Variants in ZCCHC24 observed in about 807,000 individuals in gnomAD.
The protein encoded by ZCCHC24 is zinc finger CCHC domain-containing protein 24.
Under a neutral mutation model 26.2 loss-of-function variants are expected in ZCCHC24, and 10 were observed. The ratio of observed to expected loss-of-function variants is 0.38; its 90% confidence interval spans 0.24 to 0.65. ZCCHC24 has a LOEUF of 0.65. Among genes scored for constraint, ZCCHC24 ranks in the 30% least tolerant of loss-of-function variants. The pLI is 0.54. For synonymous variants in ZCCHC24, 144 were observed against 147.1 expected, an observed-to-expected ratio of 0.98 and a Z score of 0.15; for missense variants, 243 against 329.1, an observed-to-expected ratio of 0.74 and a Z score of 2.03.
chr10:79,435,023 A>ACACC (rs1857196528), intron 1 of ZCCHC24, among the ~76,000 whole-genome samples: 1 of 151,896 alleles, frequency 6.6e-6, no homozygotes, highest in Non-Finnish European at 1.5e-5. Flanking sequence ...TCTTGACTCG[A>ACACC]AGACTTTCCC....
At chr10:79,440,643 C>A (rs1857281323) in intron 1 of ZCCHC24, among the ~76,000 whole-genome samples, 2 of 152,148 alleles carry the variant, frequency 1.3e-5, no homozygotes, top group African/African-American at 4.8e-5. Context: ...AGGTGACTTG[C>A]CAGGCCTCTG....
chr10:79,398,043 G>A (rs957094916), intron 2 of ZCCHC24, among the ~76,000 whole-genome samples: 15 of 152,220 alleles, frequency 9.9e-5, no homozygotes, highest in African/African-American at 3.1e-4. Flanking sequence ...AAAAGCAGCC[G>A]TCTGGAGCCG....
chr10:79,421,973 G>C (rs951436326), intron 2 of ZCCHC24, among the ~76,000 whole-genome samples: 18 of 152,062 alleles, frequency 1.2e-4, no homozygotes, highest in African/African-American at 3.4e-4. Context: ...CCCCAGTGTT[G>C]TGAGAAAACC....
chr10:79,386,571 G>C (rs1417799619), intron 3 of ZCCHC24, 113 bp from the exon 4 acceptor site: 1 of 758,162 alleles, frequency 1.3e-6, no homozygotes, highest in African/African-American at 1.8e-5. Context: ...GGTACACAGG[G>C]AGGGGACCAG....
At chr10:79,440,330 T>C (rs1857275571) in intron 1 of ZCCHC24, among the ~76,000 whole-genome samples, 1 of 152,226 alleles carries the variant, frequency 6.6e-6, no homozygotes, top group Non-Finnish European at 1.5e-5. Context: ...AGGCCAGCCC[T>C]GGACTCATGC....
intron 1 of ZCCHC24, among the ~76,000 whole-genome samples, chr10:79,435,909 C>T (rs1356907344): frequency 3.7e-5 from 4 of 107,394 alleles, no homozygotes; most frequent in African/African-American, 1.7e-4. Flanking sequence ...AGGCCAGGAC[C>T]CAGAGCTCTA....
intron 2 of ZCCHC24, among the ~76,000 whole-genome samples, chr10:79,415,572 C>T (rs1432737257): frequency 1.3e-5 from 2 of 152,164 alleles, no homozygotes; most frequent in East Asian, 3.9e-4. Context: ...TACAAATGCC[C>T]TTTGTTCAGA....
intron 2 of ZCCHC24, among the ~76,000 whole-genome samples, chr10:79,407,603 C>A (rs957697756): frequency 8.5e-5 from 13 of 152,154 alleles, no homozygotes; most frequent in Non-Finnish European, 1.8e-4. Flanking sequence ...CCTAGGGAGC[C>A]ACCGCCCCAG....
At chr10:79,440,744 A>G (rs1857282531) in intron 1 of ZCCHC24, among the ~76,000 whole-genome samples, 1 of 152,140 alleles carries the variant, frequency 6.6e-6, no homozygotes, top group South Asian at 2.1e-4. Flanking sequence ...CACTAGGGCC[A>G]TCTCCTCCCG....
intron 1 of ZCCHC24, among the ~76,000 whole-genome samples, chr10:79,437,786 C>T (rs1401097260): frequency 6.6e-6 from 1 of 152,218 alleles, no homozygotes; most frequent in Non-Finnish European, 1.5e-5. Flanking sequence ...CCAAGGCTGA[C>T]TCCAGTTCTC....
intron 1 of ZCCHC24, among the ~76,000 whole-genome samples, chr10:79,441,087 C>CACACAG (rs1355275970): frequency 6.7e-6 from 1 of 150,206 alleles, no homozygotes; most frequent in Admixed American, 6.6e-5. Context: ...TAAACACACA[C>CACACAG]ACACACACAC....
intron 2 of ZCCHC24, chr10:79,403,436 C>T (rs1418107452): frequency 9.1e-6 from 9 of 985,342 alleles, no homozygotes; most frequent in African/African-American, 1.7e-5. Context: ...TCCACATGCA[C>T]GGCCGGGGGA....
At chr10:79,401,896 G>A (rs932977552) in intron 2 of ZCCHC24, among the ~76,000 whole-genome samples, 24 of 152,220 alleles carry the variant, frequency 1.6e-4, no homozygotes, top group East Asian at 5.8e-4. Flanking sequence ...CCCAGTCTGC[G>A]TGCTTTCCTG....
At chr10:79,441,272 C>T (rs987426863) in intron 1 of ZCCHC24, among the ~76,000 whole-genome samples, 2 of 152,162 alleles carry the variant, frequency 1.3e-5, no homozygotes, top group Non-Finnish European at 2.9e-5. Flanking sequence ...CACATCCAAA[C>T]CCTCGGAAAA....
In ZCCHC24 at chr10:79,383,021, C is replaced by T. The variant is rs1856343011; in HGVS notation, c.*3324G>A. 1.3e-5 allele frequency: 2 copies of T among 152,700 alleles called. No individual in the cohort carries two copies. The allele number at this position is 152,700 out of a possible 1,614,324, so 9.5% of individuals were successfully genotyped here. ...TACAAAATTAATAAAACCGTAATAA[C>T]AAGATAAGAAGAAGAAGGTGCAAGA... On this transcript the variant is annotated 3_prime_UTR_variant, in exon 4 of 4. Transcript: ENST00000372336.
chr10:79,412,577 C>A (rs903966930), intron 2 of ZCCHC24, among the ~76,000 whole-genome samples: 3 of 152,246 alleles, frequency 2.0e-5, no homozygotes, highest in Non-Finnish European at 4.4e-5. Flanking sequence ...GGAAAACAGG[C>A]AACCACTAGC....
At chr10:79,401,299 T>G (rs2132184483) in intron 2 of ZCCHC24, among the ~76,000 whole-genome samples, 1 of 152,324 alleles carries the variant, frequency 6.6e-6, no homozygotes, top group African/African-American at 2.4e-5. Flanking sequence ...AACCCTGGGA[T>G]GGAGAAATCA....
At chr10:79,442,624 T>G (rs1453634876) in intron 1 of ZCCHC24, among the ~76,000 whole-genome samples, 2 of 152,210 alleles carry the variant, frequency 1.3e-5, no homozygotes, top group Non-Finnish European at 2.9e-5. Flanking sequence ...CCACTGGGCC[T>G]GCCAGGCCTC....
chr10:79,403,676 C>T (rs1856669866), intron 2 of ZCCHC24: 1 of 893,622 alleles, frequency 1.1e-6, no homozygotes, highest in South Asian at 5.1e-5. Flanking sequence ...GGCCCCCTCC[C>T]CTCTTCTGGG....
Sources: allele counts gnomAD v4.1 joint callset (sites outside exome capture counted in the v4.1 genomes callset), GRCh38; gene constraint gnomAD v4.1.1; transcripts MANE v1.5; gene names NCBI Gene and HGNC (gene_info 2026-07-23, HGNC 2026-07-21).